The following SMARCA2 variants were observed in gnomAD, a reference collection of about 807,000 sequenced individuals.
SMARCA2 encodes the protein SWI/SNF related BAF chromatin remodeling complex subunit ATPase 2, also known as SWI/SNF-related matrix-associated actin-dependent regulator of chromatin subfamily A member 2.
In SMARCA2, 61 loss-of-function variants were observed where a neutral mutation model predicts 199.8. The observed-to-expected ratio is 0.31, with a 90% CI of 0.25 to 0.38. SMARCA2 has a LOEUF of 0.38. Ranked by LOEUF, SMARCA2 falls within the 10% of genes least tolerant of loss-of-function variation. The pLI is 1.00. For synonymous variants in SMARCA2, 935 were observed against 732.0 expected (o/e 1.28, Z -4.48); for missense variants, 1,344 against 2,012.2 (o/e 0.67, Z 6.35).
intron 27 of SMARCA2, among the ~76,000 whole-genome samples, chr9:2,124,313 A>G (rs949000450): frequency 6.6e-5 from 10 of 152,132 alleles, no homozygotes; most frequent in Non-Finnish European, 1.3e-4. Context: ...CACCTTAGAG[A>G]TCTTTGTAAT....
intron 32 of SMARCA2, among the ~76,000 whole-genome samples, chr9:2,189,484 G>A (rs1827727354): frequency 6.6e-6 from 1 of 152,094 alleles, no homozygotes; most frequent in East Asian, 1.9e-4. Flanking sequence ...GTGTCAGGGA[G>A]AGCCCACACC....
In SMARCA2 at chr9:2,124,474, G is replaced by T. The variant is rs76575879; in HGVS notation, c.3981+537G>T. Among the ~76,000 whole-genome samples, 18 of 152,276 alleles carry T rather than the reference G, an allele frequency of 1.2e-4. No homozygotes were observed. In the East Asian group the frequency reaches 3.3e-3, roughly 28 times the overall value. On this transcript the variant is annotated intron_variant, in intron 27 of 33. Coordinates refer to ENST00000349721, the MANE Select transcript of SMARCA2 (RefSeq NM_003070.5). ...TGGAAGGTACCTTTGTACTTGCTTG[G>T]TTTGATGAAGAAACTGAGGCCCAGA...
At chr9:2,167,826 T>A (rs992527882) in intron 28 of SMARCA2, among the ~76,000 whole-genome samples, 1 of 152,126 alleles carries the variant, frequency 6.6e-6, no homozygotes, top group African/African-American at 2.4e-5. Flanking sequence ...AAATTCCAGG[T>A]ACTTACCCCC....
intron 32 of SMARCA2, among the ~76,000 whole-genome samples, chr9:2,189,945 A>G (rs1305394388): frequency 2.0e-5 from 3 of 152,202 alleles, no homozygotes; most frequent in Admixed American, 6.5e-5. Flanking sequence ...GATTCCCTCT[A>G]TGACAACATC....
chr9:2,143,831 G>T (rs1337231638), intron 27 of SMARCA2, among the ~76,000 whole-genome samples: 1 of 152,194 alleles, frequency 6.6e-6, no homozygotes, highest in Non-Finnish European at 1.5e-5. Context: ...AAAAAGAAGC[G>T]CAGGCTAGAG....
chr9:2,097,338 G>A (rs1822314456), intron 20 of SMARCA2, 47 bp from the exon 21 acceptor site: 1 of 1,230,144 alleles, frequency 8.1e-7, no homozygotes, highest in Non-Finnish European at 1.2e-6. Flanking sequence ...TGAAATGTCT[G>A]ACCAGTTAAT....
chr9:2,095,708 C>A (rs1822248169), intron 19 of SMARCA2, among the ~76,000 whole-genome samples: 1 of 152,192 alleles, frequency 6.6e-6, no homozygotes, highest in Admixed American at 6.5e-5. Flanking sequence ...TATTCAAGTT[C>A]TCTGTGACCT....
chr9:2,088,003 G>A (rs1244512933), intron 18 of SMARCA2, among the ~76,000 whole-genome samples: 1 of 152,212 alleles, frequency 6.6e-6, no homozygotes, highest in Non-Finnish European at 1.5e-5. Flanking sequence ...GAGGGACTTA[G>A]AGGTCCACCA....
chr9:2,126,194 T>C (rs1315849593), intron 27 of SMARCA2, among the ~76,000 whole-genome samples: 2 of 152,262 alleles, frequency 1.3e-5, no homozygotes, highest in Non-Finnish European at 2.9e-5. Flanking sequence ...TAGTTTGTTT[T>C]ACAAAACTGC....
chr9:2,060,930 G>A lies in SMARCA2; in HGVS notation c.1636G>A (p.Glu546Lys). ...YVANLTNLVW[E>K]HKQAQAAKEK... ...AGCCAATCTGACCAATCTGGTTTGG[G>A]AGCACAAGCAAGCCCAGGCAGCCAA... is the stretch of plus-strand genomic sequence containing the variant. The change falls in exon 9 of 34, where the codon GAG becomes AAG. Residue 546 changes from glutamate to lysine, a missense_variant. Transcript: ENST00000349721. The A allele has an allele frequency of 6.2e-7, 1 of 1,614,084 alleles. No individual in the cohort carries two copies. Among genetic ancestry groups the A allele is most frequent in the Non-Finnish European group, 8.5e-7 (1 of 1,179,988 alleles).
rs111870807 is a variant in SMARCA2 at position 2,181,774 on chromosome 9, G to T, written c.4359+98G>T. 4.2e-6 allele frequency: 3 copies of T among 708,642 alleles called. No homozygotes were observed. The Admixed American group carries it at 7.2e-5, about 17-fold the overall frequency. 43.9% of individuals were successfully genotyped at this position (708,642 alleles called of 1,614,324 possible). A position where few individuals can be genotyped will look rare whatever the true frequency, so the allele number is the denominator to read the frequency against. On this transcript the variant is annotated intron_variant, in intron 30 of 33. Transcript: ENST00000349721. ...AGTTGGAGCTGACCGCCACTGATGG[G>T]TACCCAGGGCTCGCGACAGGAAAGG...
At chr9:2,052,344 C>T (rs889519068) in intron 5 of SMARCA2, among the ~76,000 whole-genome samples, 6 of 152,116 alleles carry the variant, frequency 3.9e-5, no homozygotes, top group Admixed American at 1.3e-4. Flanking sequence ...CGTGGTGGCA[C>T]GTGCCTATAG....
At chr9:2,190,781 C>T (rs1313766744) in intron 32 of SMARCA2, among the ~76,000 whole-genome samples, 1 of 152,084 alleles carries the variant, frequency 6.6e-6, no homozygotes, top group Non-Finnish European at 1.5e-5. Flanking sequence ...TTTTACTTTC[C>T]ATTTTGTACC....
rs558673052 is a variant in SMARCA2, at chr9:2,146,310, G to A, written c.3982-15376G>A. On this transcript the variant is annotated intron_variant, in intron 27 of 33. Transcript: ENST00000349721. Reference sequence around the variant, plus strand: ...CCACCTCCTAATACCATCACCTTGTGGGCTAGGATTTCAAGACAGGAATTC... The same window carrying A: ...CCACCTCCTAATACCATCACCTTGTAGGCTAGGATTTCAAGACAGGAATTC... 3.9e-5 allele frequency among the ~76,000 whole-genome samples: 6 copies of A among 152,226 alleles called. No homozygotes were observed. In the South Asian group the frequency reaches 1.2e-3, roughly 32 times the overall value.
At chr9:2,127,028 A>G (rs1487280531) in intron 27 of SMARCA2, among the ~76,000 whole-genome samples, 1 of 152,202 alleles carries the variant, frequency 6.6e-6, no homozygotes, top group African/African-American at 2.4e-5. Flanking sequence ...ACTCATGTTC[A>G]GTCTGGATTG....
chr9:2,076,375 T>A, intron 13 of SMARCA2, 46 bp downstream of exon 13: 1 of 1,171,360 alleles, frequency 8.5e-7, no homozygotes, highest in South Asian at 1.2e-5. Flanking sequence ...ATGAGGATGA[T>A]GCTTAATGAA....
chr9:2,186,335 G>A, intron 32 of SMARCA2, 107 bp downstream of exon 32: 2 of 1,209,458 alleles, frequency 1.7e-6, no homozygotes, highest in Non-Finnish European at 2.3e-6. Flanking sequence ...GATCTGGATT[G>A]GAGCCCTTAT....
At chr9:2,038,970 C>A (rs1819455708) in intron 3 of SMARCA2, among the ~76,000 whole-genome samples, 1 of 152,196 alleles carries the variant, frequency 6.6e-6, no homozygotes, top group Non-Finnish European at 1.5e-5. Context: ...GTTGGAGCTA[C>A]TTTTACCATT....
chr9:2,106,751 G>T (rs1003698878), intron 23 of SMARCA2, among the ~76,000 whole-genome samples: 1 of 152,166 alleles, frequency 6.6e-6, no homozygotes, highest in Admixed American at 6.5e-5. Context: ...AATAGATTTA[G>T]CTAATACTCC....
Sources: gnomAD v4.1 joint callset for allele counts (sites outside exome capture counted in the v4.1 genomes callset) on GRCh38, gnomAD v4.1.1 for gene constraint, MANE v1.5 for transcripts, NCBI Gene and HGNC (gene_info 2026-07-23, HGNC 2026-07-21) for gene names.